LTBP1: variants seen among roughly 807,000 people sequenced by gnomAD.
LTBP1 encodes the protein latent transforming growth factor beta binding protein 1.
A neutral mutation model predicts 207.6 loss-of-function variants in LTBP1; 129 were observed. The ratio of observed to expected loss-of-function variants is 0.62; its 90% CI spans 0.54 to 0.72. The LOEUF (loss-of-function observed/expected upper bound fraction) is 0.72, where lower values mean the gene tolerates loss of function less well. Ranked by LOEUF, LTBP1 falls within the 30% of genes least tolerant of loss-of-function variation. LTBP1 has a pLI of 0.00. For synonymous variants in LTBP1, 963 were observed against 833.7 expected (o/e 1.16, Z -2.67); for missense variants, 2,281 against 2,217.2 (o/e 1.03, Z -0.58).
intron 12 of LTBP1, among the ~76,000 whole-genome samples, chr2:33,258,152 T>C (rs2092913307): frequency 6.6e-6 from 1 of 152,208 alleles, no homozygotes; most frequent in Admixed American, 6.5e-5. Flanking sequence ...CTAGAGACAA[T>C]GGACTTTGAC....
intron 31 of LTBP1, among the ~76,000 whole-genome samples, chr2:33,384,395 G>A (rs1004658879): frequency 2.0e-5 from 3 of 152,272 alleles, no homozygotes; most frequent in South Asian, 2.1e-4. Context: ...GGAATGCAGT[G>A]GGTCGGGGAG....
rs958922591 is a variant in LTBP1 at position 33,342,890 on chromosome 2, C to A, written c.3783C>A (p.Asp1261Glu). 3.7e-5 allele frequency: 59 copies of A among 1,613,984 alleles called. No individual in the cohort carries two copies. The highest frequency in any genetic ancestry group is 4.8e-5 in the Non-Finnish European group (57 of 1,179,960). The change falls in exon 25 of 34, where the codon GAC becomes GAA. Residue 1261 changes from aspartate (D) to glutamate (E), a missense_variant. Asp to Glu is a conservative substitution (Grantham distance 45, BLOSUM62 2). This residue lies in a region of LTBP1 where 1,671 missense variants were observed against 1,634.8 expected (regional missense o/e 1.02). Transcript: ENST00000404816. ...TTTGTGACAGTCACGGGTTTTGTGA[C>A]AATACAGCTGGCTCCTTCCGCTGCC... The part of the protein sequence containing the change: ...NTVCDSHGFC[D>E]NTAGSFRCLC...
At position 33,021,179 on chromosome 2, in the gene LTBP1, T is replaced by G. The variant is rs150914274; in HGVS notation, c.836T>G (p.Val279Gly). ...MTLTLKPKPSVGLPQQIHSQV... is the reference protein window; with the variant it reads ...MTLTLKPKPSGGLPQQIHSQV... ...TTAACCCTCAAGCCGAAGCCTTCAG[T>G]GGGACTCCCCCAGCAGATACATTCT... Residue 279 changes from valine (V) to glycine (G), a missense_variant, in exon 3 of 34, where the codon GTG (valine) becomes GGG (glycine). Physicochemically the swap from Val to Gly is moderately radical, Grantham distance 109. This residue lies in a region of LTBP1 where 555 missense variants were observed against 491.0 expected (regional missense o/e 1.13). Coordinates refer to ENST00000404816, the MANE Select transcript of LTBP1 (RefSeq NM_206943.4). 1.9e-5 allele frequency: 30 copies of G among 1,605,868 alleles called. No individual in the cohort carries two copies. In the African/African-American group the frequency reaches 3.9e-4, roughly 21 times the overall value.
intron 3 of LTBP1, among the ~76,000 whole-genome samples, chr2:33,047,874 T>G (rs1048704659): frequency 1.3e-5 from 2 of 152,212 alleles, no homozygotes; most frequent in Non-Finnish European, 2.9e-5. Context: ...TGTAATGCCC[T>G]TCTTTGTCTT....
intron 23 of LTBP1, among the ~76,000 whole-genome samples, chr2:33,310,511 T>C (rs1351784911): frequency 6.6e-6 from 1 of 152,160 alleles, no homozygotes; most frequent in East Asian, 1.9e-4. Context: ...CAGAGGTAGC[T>C]TTTCTTGTAT....
At chr2:32,961,970 A>T (rs527868600) in intron 2 of LTBP1, among the ~76,000 whole-genome samples, 3 of 151,938 alleles carry the variant, frequency 2.0e-5, no homozygotes, top group African/African-American at 7.3e-5. Context: ...AAATCCTTCA[A>T]TGCTTCACAG....
chr2:33,326,640 A>AATTAATTTATTT (rs1553502915), intron 24 of LTBP1, among the ~76,000 whole-genome samples: 6 of 144,590 alleles, frequency 4.1e-5, no homozygotes, highest in African/African-American at 1.6e-4. Flanking sequence ...TGAGGGATAT[A>AATTAATTTATTT]ATTTATTTAT....
In LTBP1 at chr2:33,366,425, T is replaced by C. The variant is rs539971377; in HGVS notation, c.4711+922T>C. Among the ~76,000 whole-genome samples, 6 of 152,348 alleles carry C rather than the reference T, an allele frequency of 3.9e-5. No homozygotes were observed. In the South Asian group the frequency reaches 1.2e-3, roughly 32 times the overall value. On this transcript the variant is annotated intron_variant, in intron 31 of 33. Transcript: ENST00000404816. ...ATTAGAATATTTCTTTCAAGCTCTT[T>C]AGAAAATTAGCTTTGCAGCTTAGAA...
At position 33,360,600 on chromosome 2, in the gene LTBP1, T is replaced by C; in HGVS notation, c.4004T>C (p.Leu1335Ser). 1 of 1,608,148 alleles carries C rather than the reference T, an allele frequency of 6.2e-7. No homozygotes were observed. The highest frequency in any genetic ancestry group is 8.5e-7 in the Non-Finnish European group (1 of 1,174,594). ...CTACTTTCTCTACTCCATTTAGATTTAGATGTAGATGTAGATCAACCCAAA... is the reference window on the plus strand; with the variant it reads ...CTACTTTCTCTACTCCATTTAGATTCAGATGTAGATGTAGATCAACCCAAA... Reference protein sequence around the residue: ...GQCRSRTSTDLDVDVDQPKEE... With the variant: ...GQCRSRTSTDSDVDVDQPKEE... The change falls in exon 27 of 34, where the codon TTA (leucine) becomes TCA (serine). Residue 1335 changes from leucine to serine, a missense_variant. By Grantham distance (145) the Leu-to-Ser change is moderately radical (BLOSUM62 -2). Coordinates refer to ENST00000404816, the MANE Select transcript of LTBP1 (RefSeq NM_206943.4).
At chr2:33,208,757 G>A (rs1283498490) in intron 7 of LTBP1, among the ~76,000 whole-genome samples, 1 of 152,044 alleles carries the variant, frequency 6.6e-6, no homozygotes, top group African/African-American at 2.4e-5. Flanking sequence ...ACAATTTTAT[G>A]GGTTGATGCA....
intron 5 of LTBP1, among the ~76,000 whole-genome samples, chr2:33,181,207 A>G (rs1418721380): frequency 6.6e-6 from 1 of 152,218 alleles, no homozygotes; most frequent in East Asian, 1.9e-4. Flanking sequence ...TTTTATAGTC[A>G]GCTAAGATAA....
intron 3 of LTBP1, among the ~76,000 whole-genome samples, chr2:33,102,422 C>T (rs1558639001): frequency 6.6e-6 from 1 of 152,040 alleles, no homozygotes. Context: ...CAAATACAGC[C>T]CCTGGTTAAG....
At chr2:33,227,860 A>G (rs918431902) in intron 9 of LTBP1, among the ~76,000 whole-genome samples, 2 of 122,762 alleles carry the variant, frequency 1.6e-5, no homozygotes, top group Admixed American at 1.1e-4. Flanking sequence ...GCTGGAGTGC[A>G]GTGGCATAAT....
At chr2:33,113,003 C>T (rs1179939433) in intron 4 of LTBP1, among the ~76,000 whole-genome samples, 1 of 152,112 alleles carries the variant, frequency 6.6e-6, no homozygotes, top group Non-Finnish European at 1.5e-5. Context: ...AGCTCTGATT[C>T]TTTAGAAAAA....
intron 27 of LTBP1, among the ~76,000 whole-genome samples, 184 bp downstream of exon 27, chr2:33,360,963 C>T (rs1174073176): frequency 6.6e-6 from 1 of 152,240 alleles, no homozygotes; most frequent in African/African-American, 2.4e-5. Context: ...TTCTCTTCAT[C>T]ATCGTGTACT....
At chr2:33,046,817 G>C (rs2076470139) in intron 3 of LTBP1, among the ~76,000 whole-genome samples, 1 of 151,918 alleles carries the variant, frequency 6.6e-6, no homozygotes, top group Non-Finnish European at 1.5e-5. Flanking sequence ...TCAGGGATTT[G>C]ACTTCTTCCT....
chr2:33,358,649 C>T (rs56284019), intron 26 of LTBP1, among the ~76,000 whole-genome samples: 5,295 of 152,032 alleles, frequency 0.035, 133 homozygotes, highest in Admixed American at 0.046. Context: ...TAGAATAAAC[C>T]CGATTACCAA....
intron 2 of LTBP1, among the ~76,000 whole-genome samples, chr2:33,004,646 G>A (rs12621329): frequency 0.28 from 42,741 of 150,284 alleles, 6,742 homozygotes; most frequent in East Asian, 0.68. Flanking sequence ...TTGTTGGTGC[G>A]TGACTGTAAT....
intron 5 of LTBP1, among the ~76,000 whole-genome samples, chr2:33,177,666 TCAAAGAAAGAAA>T (rs2086199144): frequency 6.6e-6 from 1 of 151,956 alleles, no homozygotes; most frequent in African/African-American, 2.4e-5. Context: ...AGACCTTGTC[TCAAAGAAAGAAA>T]CAAAGAAAGA....
Sources: allele counts gnomAD v4.1 joint callset (sites outside exome capture counted in the v4.1 genomes callset), GRCh38; gene constraint gnomAD v4.1.1; regional missense constraint gnomAD v4.1.1; transcripts MANE v1.5; gene names NCBI Gene and HGNC (gene_info 2026-07-23, HGNC 2026-07-21).